Variants in PCDH15 observed in about 807,000 individuals in gnomAD.
PCDH15 encodes protocadherin-15.
PCDH15 carries 129 observed loss-of-function variants against 178.5 expected under a neutral mutation model. The ratio of observed to expected loss-of-function variants is 0.72; its 90% CI spans 0.63 to 0.84. PCDH15 has a LOEUF of 0.84. PCDH15 is among the 40% of genes least tolerant of loss of function. The probability of loss-of-function intolerance (pLI) is 0.00; values close to 1 mark genes in which losing one functional copy is unlikely to be tolerated. For missense variants in PCDH15, 2,230 were observed against 2,099.9 expected (o/e 1.06, Z -1.21); for synonymous variants, 800 against 732.0 (o/e 1.09, Z -1.50).
intron 18 of PCDH15, among the ~76,000 whole-genome samples, chr10:54,029,074 C>A (rs556432562): frequency 6.6e-6 from 1 of 152,062 alleles, no homozygotes; most frequent in South Asian, 2.1e-4. Context: ...TTCCTATGTC[C>A]CCATTAAATT....
chr10:55,420,865 C>T (rs895490058), intron 2 of PCDH15, among the ~76,000 whole-genome samples: 9 of 151,220 alleles, frequency 6.0e-5, no homozygotes, highest in African/African-American at 1.9e-4. Context: ...GAACTTACCA[C>T]GTAGAAAAAT....
At position 53,806,506 on chromosome 10, in the gene PCDH15, TCA is replaced by T. The variant is rs1841169039; in HGVS notation, c.*71_*72del. 8 of 1,248,600 alleles carry T rather than the reference TCA, an allele frequency of 6.4e-6. No individual in the cohort carries two copies. Among genetic ancestry groups the T allele is most frequent in the Admixed American group, 2.5e-5 (1 of 39,602 alleles). 77.3% of individuals were successfully genotyped at this position (1,248,600 alleles called of 1,614,324 possible). A position where few individuals can be genotyped will look rare whatever the true frequency, so the allele number is the denominator to read the frequency against. ...GATATAAATTCCATACATTGTTTTC[TCA>T]GTGACAATAAAAAGCACAGTTTATT... On this transcript the variant is annotated 3_prime_UTR_variant, in exon 38 of 38. Coordinates refer to ENST00000644397, the MANE Select transcript of PCDH15 (RefSeq NM_001384140.1).
chr10:54,915,492 T>G (rs1954886156), intron 2 of PCDH15, among the ~76,000 whole-genome samples: 2 of 152,186 alleles, frequency 1.3e-5, no homozygotes. Flanking sequence ...CACTCTTTGA[T>G]TATTCATGCT....
intron 2 of PCDH15, among the ~76,000 whole-genome samples, chr10:55,618,211 AAT>A (rs1843516843): frequency 6.6e-6 from 1 of 151,938 alleles, no homozygotes; most frequent in Non-Finnish European, 1.5e-5. Flanking sequence ...TTCTTTTGTT[AAT>A]ATGTTTTGTT....
chr10:53,953,138 G>A (rs1468491303), intron 23 of PCDH15, among the ~76,000 whole-genome samples: 1 of 152,254 alleles, frequency 6.6e-6, no homozygotes, highest in East Asian at 1.9e-4. Context: ...TTCCCTGGTT[G>A]CAGCCAGCGT....
intron 16 of PCDH15, among the ~76,000 whole-genome samples, chr10:54,089,588 T>C (rs1462452604): frequency 2.6e-5 from 4 of 152,210 alleles, no homozygotes; most frequent in Non-Finnish European, 4.4e-5. Context: ...AATATACCTA[T>C]GTTAATCTGA....
At chr10:55,006,601 G>C (rs563643265) in intron 2 of PCDH15, among the ~76,000 whole-genome samples, 1 of 151,834 alleles carries the variant, frequency 6.6e-6, no homozygotes, top group Admixed American at 6.6e-5. Flanking sequence ...TTTTCAAGAG[G>C]TCTGGTCATT....
intron 32 of PCDH15, chr10:53,825,070 TTTTAATCTGTTC>T: frequency 6.9e-7 from 1 of 1,456,954 alleles, no homozygotes; most frequent in Non-Finnish European, 9.1e-7. Flanking sequence ...TACAACAGCA[TTTTAATCTGTTC>T]TATTGTATCT....
chr10:54,692,321 A>C (rs2095136991), intron 1 of PCDH15, among the ~76,000 whole-genome samples: 1 of 152,216 alleles, frequency 6.6e-6, no homozygotes, highest in African/African-American at 2.4e-5. Flanking sequence ...AAATACAAGC[A>C]GTGATATATT....
chr10:54,575,439 T>C (rs2090364281), intron 2 of PCDH15, among the ~76,000 whole-genome samples: 1 of 152,064 alleles, frequency 6.6e-6, no homozygotes, highest in South Asian at 2.1e-4. Context: ...CAGAAAAAAA[T>C]TGGCTTCAAT....
intron 10 of PCDH15, among the ~76,000 whole-genome samples, chr10:54,210,173 G>A (rs554557906): frequency 1.8e-4 from 27 of 152,028 alleles, no homozygotes; most frequent in Non-Finnish European, 2.1e-4. Flanking sequence ...TCTAGGCATT[G>A]AATTTATGTG....
chr10:54,291,355 C>T (rs2059390543), intron 8 of PCDH15, among the ~76,000 whole-genome samples: 1 of 151,992 alleles, frequency 6.6e-6, no homozygotes, highest in Non-Finnish European at 1.5e-5. Context: ...CACTAAATGC[C>T]CACAAGAGAA....
At chr10:54,509,570 G>T (rs539659697) in intron 3 of PCDH15, among the ~76,000 whole-genome samples, 2 of 152,206 alleles carry the variant, frequency 1.3e-5, no homozygotes, top group East Asian at 3.9e-4. Context: ...CTGTGTCTCT[G>T]CCTGTCAGTT....
At chr10:54,789,688 C>A (rs1951209123) in intron 1 of PCDH15, among the ~76,000 whole-genome samples, 1 of 151,960 alleles carries the variant, frequency 6.6e-6, no homozygotes, top group East Asian at 1.9e-4. Flanking sequence ...CCCACAATCA[C>A]CTTTTCTTAA....
chr10:54,154,580 C>A (rs953056638), intron 13 of PCDH15, among the ~76,000 whole-genome samples: 6 of 152,072 alleles, frequency 3.9e-5, no homozygotes, highest in Non-Finnish European at 7.4e-5. Flanking sequence ...ATTTCCCATT[C>A]AAAAGTTCAT....
chr10:55,326,038 G>T (rs929424865), intron 2 of PCDH15, among the ~76,000 whole-genome samples: 9 of 152,038 alleles, frequency 5.9e-5, no homozygotes, highest in African/African-American at 1.9e-4. Flanking sequence ...GCCAAAAAGT[G>T]ATATCATCTC....
intron 2 of PCDH15, among the ~76,000 whole-genome samples, chr10:55,619,731 T>C (rs1480343634): frequency 1.3e-5 from 2 of 152,030 alleles, no homozygotes; most frequent in Admixed American, 6.6e-5. Context: ...ATTTCTAATA[T>C]GTGTTTTTGA....
At chr10:54,908,585 T>A (rs1954765659) in intron 2 of PCDH15, among the ~76,000 whole-genome samples, 1 of 152,206 alleles carries the variant, frequency 6.6e-6, no homozygotes, top group African/African-American at 2.4e-5. Context: ...ACAGCTCTTT[T>A]AGCTCTAACA....
At chr10:54,174,697 CTTTT>C in intron 13 of PCDH15, among the ~76,000 whole-genome samples, 1 of 70,830 alleles carries the variant, frequency 1.4e-5, no homozygotes, top group African/African-American at 7.7e-5. Context: ...TTTTCTTTTT[CTTTT>C]CTTTTTTTTT....
Sources: allele counts gnomAD v4.1 joint callset (sites outside exome capture counted in the v4.1 genomes callset), GRCh38; gene constraint gnomAD v4.1.1; transcripts MANE v1.5; gene names NCBI Gene and HGNC (gene_info 2026-07-23, HGNC 2026-07-21).